Variants in ERC1 observed in about 807,000 individuals in gnomAD.
ERC1 encodes RAB6 interacting protein 2.
Under a neutral mutation model 132.0 loss-of-function variants are expected in ERC1, and 56 were observed. The ratio of observed to expected loss-of-function variants is 0.42; its 90% CI spans 0.34 to 0.53. ERC1 has a LOEUF of 0.53. Among genes scored for constraint, ERC1 ranks in the 20% least tolerant of loss-of-function variants. ERC1 has a pLI of 0.03. For missense variants in ERC1, 1,202 were observed against 1,349.9 expected (o/e 0.89, Z 1.72); for synonymous variants, 478 against 476.1 (o/e 1.00, Z -0.05).
At chr12:1,150,247 A>G (rs974309863) in intron 8 of ERC1, among the ~76,000 whole-genome samples, 2 of 152,192 alleles carry the variant, frequency 1.3e-5, no homozygotes. Flanking sequence ...TTTACTACTG[A>G]ACCCTGAATT....
In ERC1 at chr12:991,271, C is replaced by T. The variant is rs562562183; in HGVS notation, c.-208C>T. The T allele has an allele frequency of 4.2e-3, 700 of 165,596 alleles. 1 individual carries two copies. The highest frequency in any genetic ancestry group is 6.7e-3 in the Non-Finnish European group (539 of 80,250). 10.3% of individuals were successfully genotyped at this position (165,596 alleles called of 1,614,324 possible). ...GCGGCGGCGGCGGCGGTAGTGGCGG[C>T]GGCGGCGGTGCCTGGGCGGCAGCAG... On this transcript the variant is annotated 5_prime_UTR_variant, in exon 1 of 19. Coordinates refer to ENST00000360905, the MANE Select transcript of ERC1 (RefSeq NM_178040.4).
chr12:1,049,273 T>A (rs1028655340), intron 2 of ERC1, among the ~76,000 whole-genome samples: 18 of 152,254 alleles, frequency 1.2e-4, no homozygotes, highest in African/African-American at 3.6e-4. Flanking sequence ...GAGTGAATAG[T>A]GCAGGATTGG....
At chr12:1,344,551 G>C (rs2084251877) in intron 15 of ERC1, among the ~76,000 whole-genome samples, 1 of 152,016 alleles carries the variant, frequency 6.6e-6, no homozygotes, top group African/African-American at 2.4e-5. Flanking sequence ...ACAAATCTTG[G>C]GAACTAAAAT....
At chr12:1,208,957 A>ATTTTTTTTTTTTTT (rs538961813) in intron 12 of ERC1, among the ~76,000 whole-genome samples, 2 of 71,610 alleles carry the variant, frequency 2.8e-5, no homozygotes, top group African/African-American at 1.3e-4. Context: ...CGCCCAGCTG[A>ATTTTTTTTTTTTTT]TTTTTTTTTT....
intron 15 of ERC1, among the ~76,000 whole-genome samples, chr12:1,322,683 A>C (rs1376771447): frequency 1.3e-5 from 2 of 152,080 alleles, no homozygotes; most frequent in Admixed American, 1.3e-4. Flanking sequence ...CACCTGATAA[A>C]ATTTTCCAAT....
chr12:1,180,807 C>A, intron 9 of ERC1, 130 bp downstream of exon 9: 1 of 1,127,586 alleles, frequency 8.9e-7, no homozygotes, highest in Non-Finnish European at 1.3e-6. Flanking sequence ...TGCTGACATA[C>A]GTAGTGTGAA....
At chr12:1,051,529 C>CCCA (rs1419595611) in intron 2 of ERC1, among the ~76,000 whole-genome samples, 1 of 127,686 alleles carries the variant, frequency 7.8e-6, no homozygotes, top group African/African-American at 3.3e-5. Context: ...GTCTCTACCC[C>CCCA]AAAAAAAAAA....
At chr12:992,842 A>G (rs1484292299) in intron 1 of ERC1, among the ~76,000 whole-genome samples, 1 of 152,240 alleles carries the variant, frequency 6.6e-6, no homozygotes, top group Non-Finnish European at 1.5e-5. Context: ...GGAAGTAGAC[A>G]TGGCTCTCAA....
At chr12:1,026,372 G>A (rs1458790224) in intron 1 of ERC1, among the ~76,000 whole-genome samples, 1 of 152,030 alleles carries the variant, frequency 6.6e-6, no homozygotes, top group Admixed American at 6.6e-5. Flanking sequence ...ATTTGAGTGG[G>A]GACACAGCCA....
chr12:1,493,141 AC>A lies in ERC1; in HGVS notation c.*2916del. On this transcript the variant is annotated 3_prime_UTR_variant, in exon 19 of 19. Coordinates refer to ENST00000360905, the MANE Select transcript of ERC1 (RefSeq NM_178040.4). ...CTTCTCATCTTTTCATATACCTCTA[AC>A]CCCCGGTACTCATTGAATCATTGAT... The A allele has an allele frequency of 4.7e-6, 1 of 211,676 alleles. No individual in the cohort carries two copies. The highest frequency in any genetic ancestry group is 9.6e-6 in the Non-Finnish European group (1 of 104,256). The allele number at this position is 211,676 out of a possible 1,614,324, so 13.1% of individuals were successfully genotyped here.
At chr12:1,387,862 C>T (rs1239201644) in intron 16 of ERC1, among the ~76,000 whole-genome samples, 1 of 152,210 alleles carries the variant, frequency 6.6e-6, no homozygotes, top group Non-Finnish European at 1.5e-5. Context: ...GGTAACACAG[C>T]TTCTCGAGTC....
chr12:1,099,637 A>G (rs551542319), intron 3 of ERC1, among the ~76,000 whole-genome samples: 1 of 152,278 alleles, frequency 6.6e-6, no homozygotes, highest in South Asian at 2.1e-4. Flanking sequence ...CTATCATTGT[A>G]CTGTGTATTG....
chr12:1,363,338 T>A (rs1391916506), intron 15 of ERC1, among the ~76,000 whole-genome samples: 7 of 152,138 alleles, frequency 4.6e-5, no homozygotes, highest in African/African-American at 1.7e-4. Flanking sequence ...CATGCTCATT[T>A]TTCAGAAAAG....
chr12:1,161,731 G>A (rs1243534424), intron 8 of ERC1, among the ~76,000 whole-genome samples: 1 of 152,082 alleles, frequency 6.6e-6, no homozygotes, highest in Non-Finnish European at 1.5e-5. Context: ...CCTTAATTCT[G>A]TACAAAAAAG....
chr12:1,083,988 A>G (rs891480342), intron 3 of ERC1, among the ~76,000 whole-genome samples: 1 of 152,232 alleles, frequency 6.6e-6, no homozygotes, highest in African/African-American at 2.4e-5. Flanking sequence ...ATCTCAGCTT[A>G]TGTGTGCTTA....
intron 10 of ERC1, 123 bp downstream of exon 10, chr12:1,182,188 A>G: frequency 1.1e-6 from 1 of 904,544 alleles, no homozygotes. Context: ...TTCTTTTAGC[A>G]GGCTTTTGTT....
At chr12:1,190,279 AATTG>A (rs1478961425) in intron 12 of ERC1, 4 of 652,920 alleles carry the variant, frequency 6.1e-6, no homozygotes, top group East Asian at 3.0e-5. Context: ...GCTGTAACAT[AATTG>A]ATTGGCAAAA....
At chr12:1,373,938 TAACAGTTCTCA>T (rs1411866070) in intron 16 of ERC1, among the ~76,000 whole-genome samples, 1 of 152,216 alleles carries the variant, frequency 6.6e-6, no homozygotes, top group Non-Finnish European at 1.5e-5. Flanking sequence ...AGAAAAATAA[TAACAGTTCTCA>T]GGAGTCCTTC....
intron 13 of ERC1, among the ~76,000 whole-genome samples, chr12:1,252,253 G>A (rs2076517027): frequency 1.3e-5 from 2 of 152,286 alleles, no homozygotes; most frequent in East Asian, 1.9e-4. Flanking sequence ...GAGAACAGAA[G>A]CAGGTATGCA....
Sources: allele counts gnomAD v4.1 joint callset (sites outside exome capture counted in the v4.1 genomes callset), GRCh38; gene constraint gnomAD v4.1.1; transcripts MANE v1.5; gene names NCBI Gene and HGNC (gene_info 2026-07-23, HGNC 2026-07-21).